The following PURG variants were observed in gnomAD, a reference collection of about 807,000 sequenced individuals.
PURG encodes the protein purine rich element binding protein G, also known as purine-rich element-binding protein gamma.
PURG carries 3 observed loss-of-function variants against 24.3 expected under a neutral mutation model. That is an observed-to-expected ratio of 0.12 (90% CI 0.06 to 0.32). The LOEUF is 0.32. PURG is among the 10% of genes least tolerant of loss of function. The pLI is 1.00. For missense variants in PURG, 371 were observed against 439.1 expected (o/e 0.84, Z 1.39); for synonymous variants, 180 against 173.1 (o/e 1.04, Z -0.31).
At chr8:31,019,096 C>T (rs1810929342) in intron 1 of PURG, among the ~76,000 whole-genome samples, 1 of 108,254 alleles carries the variant, frequency 9.2e-6, no homozygotes, top group Non-Finnish European at 1.7e-5. Flanking sequence ...TGCACTCCAG[C>T]CTGGGTGACA....
At chr8:31,028,787 C>G (rs149181927), downstream of PURG, among the ~76,000 whole-genome samples, 1 of 151,840 alleles carries the variant, frequency 6.6e-6, no homozygotes, top group Non-Finnish European at 1.5e-5. Flanking sequence ...GAACCCGTTT[C>G]CAAATTTCAT....
chr8:31,003,575 A>G (rs529213870), intron 1 of PURG, among the ~76,000 whole-genome samples: 78 of 152,290 alleles, frequency 5.1e-4, no homozygotes, highest in South Asian at 4.1e-3. Context: ...CAGCCTGGCC[A>G]ACATGGCAAA....
At chr8:31,019,519 G>A (rs1195147381) in intron 1 of PURG, among the ~76,000 whole-genome samples, 1 of 151,130 alleles carries the variant, frequency 6.6e-6, no homozygotes, top group South Asian at 2.1e-4. Flanking sequence ...TTTTAGTAGA[G>A]ACGGGGTTTC....
downstream of PURG, among the ~76,000 whole-genome samples, chr8:31,027,885 A>G (rs1481426033): frequency 6.6e-6 from 1 of 151,750 alleles, no homozygotes; most frequent in Non-Finnish European, 1.5e-5. Context: ...GTGAATTCTG[A>G]GATATCATAT....
chr8:31,001,257 T>C (rs1810530717), intron 1 of PURG, among the ~76,000 whole-genome samples: 1 of 152,228 alleles, frequency 6.6e-6, no homozygotes, highest in Non-Finnish European at 1.5e-5. Context: ...CTGGTAATAG[T>C]CCTATATCGT....
At chr8:31,000,413 A>C (rs1810514634) in intron 1 of PURG, among the ~76,000 whole-genome samples, 1 of 152,196 alleles carries the variant, frequency 6.6e-6, no homozygotes, top group Admixed American at 6.5e-5. Flanking sequence ...AATGCACAGA[A>C]AGTTAAATTT....
chr8:31,021,269 T>C (rs1170041418), intron 1 of PURG, among the ~76,000 whole-genome samples: 1 of 152,156 alleles, frequency 6.6e-6, no homozygotes, highest in Non-Finnish European at 1.5e-5. Flanking sequence ...TTGTTTTTGG[T>C]TCATGAAAAT....
At chr8:31,029,243 G>A (rs1158736968), downstream of PURG, among the ~76,000 whole-genome samples, 1 of 151,702 alleles carries the variant, frequency 6.6e-6, no homozygotes, top group Non-Finnish European at 1.5e-5. Context: ...CAAAAGGACT[G>A]GCAGAAGGCT....
chr8:31,025,573 T>C (rs1585367220), intron 1 of PURG, among the ~76,000 whole-genome samples: 1 of 152,014 alleles, frequency 6.6e-6, no homozygotes, highest in East Asian at 1.9e-4. Context: ...TACAATTGTA[T>C]TGGATCTTTT....
At chr8:31,008,656 G>A (rs1302597771) in intron 1 of PURG, among the ~76,000 whole-genome samples, 1 of 152,110 alleles carries the variant, frequency 6.6e-6, no homozygotes, top group Non-Finnish European at 1.5e-5. Flanking sequence ...TGAGGGCAGG[G>A]AACTTTATGT....
chr8:31,028,744 G>A (rs1811135448), downstream of PURG, among the ~76,000 whole-genome samples: 1 of 151,696 alleles, frequency 6.6e-6, no homozygotes, highest in Non-Finnish European at 1.5e-5. Flanking sequence ...TGCTGCTTTC[G>A]ATTGCTAGGA....
chr8:31,028,637 T>C (rs1450428071), downstream of PURG, among the ~76,000 whole-genome samples: 2 of 151,846 alleles, frequency 1.3e-5, no homozygotes, highest in Non-Finnish European at 3.0e-5. Context: ...TTCAGGGACA[T>C]GGCAGTCTGG....
intron 1 of PURG, among the ~76,000 whole-genome samples, chr8:31,021,816 C>T (rs1361155095): frequency 6.6e-6 from 1 of 152,070 alleles, no homozygotes; most frequent in African/African-American, 2.4e-5. Flanking sequence ...GGAATAGTAG[C>T]TATAAGGGGC....
chr8:31,002,051 GA>G (rs1016703835), intron 1 of PURG, among the ~76,000 whole-genome samples: 1 of 152,160 alleles, frequency 6.6e-6, no homozygotes, highest in African/African-American at 2.4e-5. Flanking sequence ...CAGGCATAAT[GA>G]ATCAAGGAAA....
chr8:31,011,958 CA>C (rs201738029), intron 1 of PURG, among the ~76,000 whole-genome samples: 3,132 of 152,194 alleles, frequency 0.021, 40 homozygotes, highest in Non-Finnish European at 0.03. Flanking sequence ...GATGACATAG[CA>C]TTTTTGGTTA....
At chr8:31,021,959 ATTC>A (rs1179282731) in intron 1 of PURG, among the ~76,000 whole-genome samples, 2 of 150,616 alleles carry the variant, frequency 1.3e-5, no homozygotes, top group East Asian at 3.9e-4. Context: ...TAGGGACCAA[ATTC>A]ATTTCTTTCT....
chr8:31,018,080 T>C (rs564186898), intron 1 of PURG, among the ~76,000 whole-genome samples: 1 of 152,304 alleles, frequency 6.6e-6, no homozygotes, highest in Non-Finnish European at 1.5e-5. Flanking sequence ...AGACTTAATC[T>C]TACAGAATAA....
intron 1 of PURG, among the ~76,000 whole-genome samples, chr8:31,008,248 A>G (rs187974702): frequency 2.5e-3 from 376 of 152,326 alleles, no homozygotes; most frequent in Non-Finnish European, 3.8e-3. Context: ...TATTTGTTAA[A>G]TGCTTTGATT....
chr8:31,032,402 G>A lies in PURG; in HGVS notation c.381C>T (p.Ala127=), dbSNP rs1811244292. 2 of 1,613,760 alleles carry A rather than the reference G, an allele frequency of 1.2e-6. No homozygotes were observed. The highest frequency in any genetic ancestry group is 1.1e-5 in the South Asian group (1 of 91,088). The change falls in exon 2 of 2, where the codon GCC becomes GCT. Residue 127 remains alanine (A), a synonymous_variant. Transcript: ENST00000523392. The surrounding 1 kb of genome is among the most constrained non-coding windows in gnomAD (Gnocchi z 5.9). Reference sequence around the variant, plus strand: ...GCCGGTGGCCTTTCAGGCCCAGGTGGGCATAGTGCTCGATGAAGTCCCCTA... The same window carrying A: ...GCCGGTGGCCTTTCAGGCCCAGGTGAGCATAGTGCTCGATGAAGTCCCCTA... The part of the protein sequence containing the change: ...DCLGDFIEHY[A]HLGLKGHRQE...
Sources: gnomAD v4.1 joint callset for allele counts (sites outside exome capture counted in the v4.1 genomes callset) on GRCh38, gnomAD v4.1.1 for gene constraint, Gnocchi (gnomAD v3.1) non-coding constraint, MANE v1.5 for transcripts, NCBI Gene and HGNC (gene_info 2026-07-23, HGNC 2026-07-21) for gene names.